The following KDM7A variants were observed in gnomAD, a reference collection of about 807,000 sequenced individuals.
The protein encoded by KDM7A is lysine demethylase 7A.
KDM7A carries 28 observed loss-of-function variants against 114.8 expected under a neutral mutation model. The ratio of observed to expected loss-of-function variants is 0.24; its 90% CI spans 0.18 to 0.33. The LOEUF is 0.33. Among genes scored for constraint, KDM7A ranks in the 10% least tolerant of loss-of-function variants. KDM7A has a pLI of 1.00. For missense variants in KDM7A, 942 were observed against 1,142.5 expected (o/e 0.82, Z 2.53); for synonymous variants, 423 against 397.8 (o/e 1.06, Z -0.75).
chr7:140,153,261 G>A (rs552912276), intron 1 of KDM7A, among the ~76,000 whole-genome samples: 58 of 151,588 alleles, frequency 3.8e-4, no homozygotes, highest in African/African-American at 1.3e-3. Flanking sequence ...GCCGAGGCGG[G>A]CGGATCACGA....
chr7:140,099,919 C>T lies in KDM7A; in HGVS notation c.1743G>A (p.Leu581=). Residue 581 remains leucine (L), a synonymous_variant, in exon 13 of 20, where the codon CTG becomes CTA. Coordinates refer to ENST00000397560, the MANE Select transcript of KDM7A (RefSeq NM_030647.2). ...CATACTTAATTATTCTTCCATTTGTCAGCAGTAATCGTAGATCATTATCTT... is the reference window on the plus strand; with the variant it reads ...CATACTTAATTATTCTTCCATTTGTTAGCAGTAATCGTAGATCATTATCTT... ...RAKDNDLRLL[L]TNGRIIKDER... 1.9e-6 allele frequency: 3 copies of T among 1,610,658 alleles called. No individual in the cohort carries two copies. The highest frequency in any genetic ancestry group is 2.5e-6 in the Non-Finnish European group (3 of 1,176,788).
intron 1 of KDM7A, among the ~76,000 whole-genome samples, chr7:140,148,407 TTTTTTGG>T (rs1794363262): frequency 1.6e-5 from 2 of 123,242 alleles, no homozygotes; most frequent in Admixed American, 1.6e-4. Context: ...TTGTTTTTTG[TTTTTTGG>T]TCTCATCTGT....
chr7:140,173,904 C>T (rs1381097268), intron 1 of KDM7A, among the ~76,000 whole-genome samples: 1 of 152,150 alleles, frequency 6.6e-6, no homozygotes, highest in African/African-American at 2.4e-5. Flanking sequence ...TGGCTCACAC[C>T]TGTAATCCCA....
chr7:140,103,316 T>A (rs1160932584), intron 11 of KDM7A, among the ~76,000 whole-genome samples: 1 of 152,036 alleles, frequency 6.6e-6, no homozygotes, highest in Non-Finnish European at 1.5e-5. Flanking sequence ...CTTTTTTTTT[T>A]TATTTTAATT....
intron 1 of KDM7A, among the ~76,000 whole-genome samples, chr7:140,142,487 A>G (rs1373779170): frequency 6.6e-6 from 1 of 152,148 alleles, no homozygotes; most frequent in Non-Finnish European, 1.5e-5. Flanking sequence ...AAGGAACTCT[A>G]AGTGGTTGAA....
chr7:140,165,643 T>C (rs1199495111), intron 1 of KDM7A, among the ~76,000 whole-genome samples: 1 of 152,162 alleles, frequency 6.6e-6, no homozygotes, highest in African/African-American at 2.4e-5. Context: ...TGTTAGTGTA[T>C]CCAGACTGTT....
chr7:140,172,042 G>C (rs887210931), intron 1 of KDM7A, among the ~76,000 whole-genome samples: 11 of 152,080 alleles, frequency 7.2e-5, no homozygotes, highest in African/African-American at 2.2e-4. Context: ...TGTTTGTTTT[G>C]GTAGGGGCTG....
chr7:140,105,593 T>C (rs1170927809), intron 11 of KDM7A, among the ~76,000 whole-genome samples: 3 of 152,258 alleles, frequency 2.0e-5, no homozygotes, highest in African/African-American at 7.2e-5. Context: ...ATTACGTTTA[T>C]TGATTTGCGT....
At chr7:140,124,524 C>T (rs1562952615) in intron 7 of KDM7A, 97 bp downstream of exon 7, 1 of 784,448 alleles carries the variant, frequency 1.3e-6, no homozygotes, top group Non-Finnish European at 2.0e-6. Context: ...GTCATAAAAA[C>T]TACTTTCCAA....
rs543328366 is a variant in KDM7A at position 140,092,068 on chromosome 7, T to C, written c.2467A>G (p.Arg823Gly). 39 of 1,614,108 alleles carry C rather than the reference T, an allele frequency of 2.4e-5. No individual in the cohort carries two copies. Among genetic ancestry groups the C allele is most frequent in the Non-Finnish European group, 3.0e-5 (35 of 1,179,974 alleles). Residue 823 changes from arginine to glycine, a missense_variant, in exon 19 of 20, where the codon AGA (arginine) becomes GGA (glycine). Coordinates refer to ENST00000397560, the MANE Select transcript of KDM7A (RefSeq NM_030647.2). ...TCCTTTCTGATGCATTTCTGGCTTC[T>C]ACTTAGATCCTGAAGGAGGAGGAAG... is the stretch of plus-strand genomic sequence containing the variant. ...TSRFHPQDLS[R>G]SQKCIRKEGS... is the part of the protein sequence containing the mutation.
chr7:140,153,101 G>A (rs1053046817), intron 1 of KDM7A, among the ~76,000 whole-genome samples: 6 of 151,754 alleles, frequency 4.0e-5, no homozygotes, highest in Admixed American at 1.3e-4. Context: ...CTCGTGATCC[G>A]CCCACCTCGG....
chr7:140,158,375 C>T (rs980292930), intron 1 of KDM7A, among the ~76,000 whole-genome samples: 2 of 151,982 alleles, frequency 1.3e-5, no homozygotes, highest in Non-Finnish European at 2.9e-5. Flanking sequence ...TGAAGGTAAG[C>T]GAACAGGATT....
At chr7:140,110,996 G>A (rs2301893) in intron 11 of KDM7A, 99 bp downstream of exon 11, 213,773 of 660,862 alleles carry the variant, frequency 0.32, 36,100 homozygotes, top group Middle Eastern at 0.49. Context: ...TCTTCTAAGT[G>A]TGTAAGAGTT....
intron 1 of KDM7A, among the ~76,000 whole-genome samples, chr7:140,173,642 T>C (rs914619023): frequency 6.6e-6 from 1 of 152,178 alleles, no homozygotes; most frequent in Non-Finnish European, 1.5e-5. Flanking sequence ...TCCTTGCTCC[T>C]CTACAGATGG....
At chr7:140,139,627 C>T (rs1249280433) in intron 1 of KDM7A, among the ~76,000 whole-genome samples, 1 of 151,680 alleles carries the variant, frequency 6.6e-6, no homozygotes, top group African/African-American at 2.4e-5. Flanking sequence ...AAAAAAGAGG[C>T]TGAAATTAAT....
chr7:140,176,274 C>T lies in KDM7A; in HGVS notation c.194+470G>A, dbSNP rs1256511557. 2.7e-5 allele frequency among the ~76,000 whole-genome samples: 4 copies of T among 149,948 alleles called. No individual in the cohort carries two copies. Among genetic ancestry groups the T allele is most frequent in the African/African-American group, 9.7e-5 (4 of 41,154 alleles). On this transcript the variant is annotated intron_variant, in intron 1 of 19. Transcript: ENST00000397560. The surrounding 1 kb of genome is among the most constrained non-coding windows in gnomAD (Gnocchi z 4.4). ...GGGCCGGGGCGACCCCATCGCCGCC[C>T]GGAAGGAAGGCAGGCGCGTCGGCCG...
At position 140,088,469 on chromosome 7, in the gene KDM7A, C is replaced by T; in HGVS notation, c.*2625G>A. The T allele has an allele frequency of 2.5e-6, 1 of 398,240 alleles. No homozygotes were observed. Among genetic ancestry groups the T allele is most frequent in the Non-Finnish European group, 4.4e-6 (1 of 225,822 alleles). 24.7% of individuals were successfully genotyped at this position (398,240 alleles called of 1,614,324 possible). The stretch of plus-strand genomic sequence containing the variant: ...GCTAAATGCTATCAGTGCTGTCTTC[C>T]TAAGTTGCTGTGTCTGTATGGTATA... On this transcript the variant is annotated 3_prime_UTR_variant, in exon 20 of 20. Transcript: ENST00000397560.
intron 17 of KDM7A, 104 bp from the exon 18 acceptor site, chr7:140,094,242 C>G: frequency 1.3e-6 from 1 of 760,652 alleles, no homozygotes; most frequent in Non-Finnish European, 2.4e-6. Context: ...TGATGGCTCA[C>G]GCCTGTAATC....
chr7:140,174,505 C>T (rs1490999012), intron 1 of KDM7A, among the ~76,000 whole-genome samples: 1 of 152,186 alleles, frequency 6.6e-6, no homozygotes, highest in East Asian at 1.9e-4. Context: ...TGGGGCTTTT[C>T]ATGGTTATAG....
Sources: gnomAD v4.1 joint callset for allele counts (sites outside exome capture counted in the v4.1 genomes callset) on GRCh38, gnomAD v4.1.1 for gene constraint, Gnocchi (gnomAD v3.1) non-coding constraint, MANE v1.5 for transcripts, NCBI Gene and HGNC (gene_info 2026-07-23, HGNC 2026-07-21) for gene names.